The following NPAS3 variants were observed in gnomAD, a reference collection of about 807,000 sequenced individuals.
NPAS3 encodes neuronal PAS domain-containing protein 3.
In NPAS3, 14 loss-of-function variants were observed where a neutral mutation model predicts 73.1. That is an observed-to-expected ratio of 0.19 (90% CI 0.13 to 0.30). NPAS3 has a LOEUF of 0.30. Among genes scored for constraint, NPAS3 ranks in the 10% least tolerant of loss-of-function variants. The pLI, the probability that NPAS3 is intolerant of heterozygous loss-of-function variation, is 1.00. For missense variants in NPAS3, 1,096 were observed against 1,250.0 expected (o/e 0.88, Z 1.86); for synonymous variants, 620 against 541.5 (o/e 1.14, Z -2.01).
chr14:33,537,501 G>A (rs1057372563), intron 4 of NPAS3, among the ~76,000 whole-genome samples: 11 of 152,160 alleles, frequency 7.2e-5, no homozygotes, highest in Admixed American at 2.6e-4. Context: ...ATTAATGGAC[G>A]TTAATCAGAA....
intron 3 of NPAS3, among the ~76,000 whole-genome samples, chr14:33,295,346 A>T (rs1221151419): frequency 2.0e-5 from 3 of 152,210 alleles, no homozygotes; most frequent in African/African-American, 4.8e-5. Flanking sequence ...CATTAATAAA[A>T]GACTTCATTT....
intron 4 of NPAS3, among the ~76,000 whole-genome samples, chr14:33,504,766 T>C (rs935250344): frequency 1.3e-5 from 2 of 152,006 alleles, no homozygotes; most frequent in Non-Finnish European, 2.9e-5. Context: ...TGGTGATGTT[T>C]TGAGACTTTG....
intron 4 of NPAS3, among the ~76,000 whole-genome samples, chr14:33,491,569 G>T (rs1295166893): frequency 6.6e-6 from 1 of 152,112 alleles, no homozygotes; most frequent in East Asian, 1.9e-4. Context: ...ATTTGAAGAG[G>T]CAAATATGGT....
At chr14:33,014,898 C>T (rs549993104) in intron 1 of NPAS3, among the ~76,000 whole-genome samples, 3 of 152,260 alleles carry the variant, frequency 2.0e-5, no homozygotes, top group East Asian at 1.9e-4. Flanking sequence ...GCCGGGCCTT[C>T]GGAGGAAGCA....
chr14:33,731,354 G>A (rs988385868), intron 6 of NPAS3, among the ~76,000 whole-genome samples: 27 of 150,866 alleles, frequency 1.8e-4, no homozygotes, highest in Non-Finnish European at 3.5e-4. Context: ...AGGAGTTTGA[G>A]GCTGCATTAA....
At chr14:33,771,393 T>C (rs914112302) in intron 7 of NPAS3, among the ~76,000 whole-genome samples, 1 of 152,360 alleles carries the variant, frequency 6.6e-6, no homozygotes, top group Admixed American at 6.5e-5. Flanking sequence ...ATTTAGTTAC[T>C]GCTTTGGTAA....
rs572806227 is a variant in NPAS3, at chr14:33,374,479, CA to C, written c.468+7212del. On this transcript the variant is annotated intron_variant, in intron 4 of 11. Coordinates refer to ENST00000356141, the Ensembl canonical transcript of NPAS3. ...GAGAACATATAGGTTCTCTATCTAC[CA>C]GAAGTTTTTTTTAAAAAAAAATCAG... Among the ~76,000 whole-genome samples, 390 of 140,574 alleles carry C rather than the reference CA, an allele frequency of 2.8e-3. 1 individual carries two copies. The highest frequency in any genetic ancestry group is 8.1e-3 in the Middle Eastern group (2 of 246). The allele number at this position is 140,574 out of a possible 152,430, so 92.2% of individuals were successfully genotyped here.
chr14:33,247,677 T>C (rs1271578593), intron 3 of NPAS3, among the ~76,000 whole-genome samples: 2 of 152,240 alleles, frequency 1.3e-5, no homozygotes, highest in Non-Finnish European at 2.9e-5. Flanking sequence ...ATATTCAGAT[T>C]GGAAATTAAG....
chr14:33,542,587 T>C (rs2054572072), intron 4 of NPAS3, among the ~76,000 whole-genome samples: 1 of 152,176 alleles, frequency 6.6e-6, no homozygotes, highest in Non-Finnish European at 1.5e-5. Context: ...TTCAATAAAG[T>C]GGCAATCCCC....
intron 2 of NPAS3, among the ~76,000 whole-genome samples, chr14:33,133,214 G>C (rs1003098371): frequency 3.9e-5 from 6 of 151,930 alleles, no homozygotes; most frequent in Admixed American, 1.3e-4. Flanking sequence ...TGTATTATAG[G>C]CACCAAGAAT....
intron 1 of NPAS3, among the ~76,000 whole-genome samples, chr14:32,972,471 C>G (rs1044803392): frequency 6.6e-6 from 1 of 152,198 alleles, no homozygotes; most frequent in Non-Finnish European, 1.5e-5. Flanking sequence ...CACATGCACA[C>G]ACAACTTTTG....
At chr14:33,213,925 A>G (rs980463333) in intron 2 of NPAS3, 5 of 152,320 alleles carry the variant, frequency 3.3e-5, no homozygotes, top group Admixed American at 3.3e-4. Context: ...AATGTCAGGA[A>G]TCCTATAATG....
intron 4 of NPAS3, among the ~76,000 whole-genome samples, chr14:33,514,748 A>T (rs1402477772): frequency 6.6e-6 from 1 of 152,090 alleles, no homozygotes; most frequent in African/African-American, 2.4e-5. Flanking sequence ...TTGAACTGAC[A>T]TACCTGTGAT....
At chr14:33,799,609 A>C in intron 11 of NPAS3, 125 bp from the exon 12 acceptor site, 1 of 931,038 alleles carries the variant, frequency 1.1e-6, no homozygotes, top group Non-Finnish European at 1.6e-6. Context: ...CGTGATGAGG[A>C]CGGACACTTG....
At chr14:33,017,407 T>C (rs1318835987) in intron 1 of NPAS3, among the ~76,000 whole-genome samples, 1 of 152,208 alleles carries the variant, frequency 6.6e-6, no homozygotes, top group African/African-American at 2.4e-5. Context: ...TGAGAAGTGA[T>C]AAATTATATT....
intron 5 of NPAS3, among the ~76,000 whole-genome samples, chr14:33,571,654 C>T (rs1015684003): frequency 6.6e-6 from 1 of 152,186 alleles, no homozygotes; most frequent in African/African-American, 2.4e-5. Flanking sequence ...AAGGAGGCTG[C>T]TTAGATGGCG....
At chr14:33,615,572 A>G (rs180879778) in intron 5 of NPAS3, among the ~76,000 whole-genome samples, 40 of 152,230 alleles carry the variant, frequency 2.6e-4, no homozygotes, top group African/African-American at 9.2e-4. Context: ...TACCATGAAC[A>G]GAAATATGAG....
intron 3 of NPAS3, among the ~76,000 whole-genome samples, chr14:33,295,538 A>G (rs2042262064): frequency 6.6e-6 from 1 of 152,218 alleles, no homozygotes; most frequent in African/African-American, 2.4e-5. Context: ...ATACACAAGG[A>G]AGAGCTGCTT....
chr14:33,235,410 G>A lies in NPAS3; in HGVS notation c.385+19984G>A, dbSNP rs1014797947. Among the ~76,000 whole-genome samples the A allele has an allele frequency of 7.9e-5, 12 of 152,100 alleles. No individual in the cohort carries two copies. The South Asian group carries it at 2.1e-3, about 26-fold the overall frequency. On this transcript the variant is annotated intron_variant, in intron 3 of 11. Transcript: ENST00000356141. The stretch of plus-strand genomic sequence containing the variant: ...TTCCTTTTTTTTCAGCTAAAAATCT[G>A]TAACTAGCAGGTTAAGCATAATGTA...
Sources: gnomAD v4.1 joint callset for allele counts (sites outside exome capture counted in the v4.1 genomes callset) on GRCh38, gnomAD v4.1.1 for gene constraint, MANE v1.5 for transcripts, NCBI Gene and HGNC (gene_info 2026-07-23, HGNC 2026-07-21) for gene names.